The following METTL6 variants were observed in gnomAD, a reference collection of about 807,000 sequenced individuals.
The protein encoded by METTL6 is methyltransferase 6, tRNA N3-cytidine, also known as tRNA N(3)-cytidine methyltransferase METTL6.
METTL6 carries 22 observed loss-of-function variants against 26.4 expected under a neutral mutation model. The ratio of observed to expected loss-of-function variants is 0.83; its 90% CI spans 0.59 to 1.19. The LOEUF (loss-of-function observed/expected upper bound fraction) is 1.19. Ranked by LOEUF, METTL6 falls within the 50% of genes most tolerant of loss-of-function variation. The pLI, the probability that METTL6 is intolerant of heterozygous loss-of-function variation, is 0.00. For missense variants in METTL6, 304 were observed against 324.8 expected, an observed-to-expected ratio of 0.94 and a Z score of 0.49; for synonymous variants, 109 against 116.2, an observed-to-expected ratio of 0.94 and a Z score of 0.40.
At chr3:15,390,964 G>A (rs1457430003) in intron 6 of METTL6, among the ~76,000 whole-genome samples, 1 of 152,190 alleles carries the variant, frequency 6.6e-6, no homozygotes, top group African/African-American at 2.4e-5. Context: ...GGCGATCAAA[G>A]TGGCTCTCAG....
chr3:15,388,089 TTTGTTGTTGTTG>T (rs71632851), intron 6 of METTL6, among the ~76,000 whole-genome samples: 21 of 150,384 alleles, frequency 1.4e-4, no homozygotes, highest in Admixed American at 6.6e-4. Flanking sequence ...AAATAAGAGT[TTTGTTGTTGTTG>T]TTGTTGTTGT....
downstream of METTL6, among the ~76,000 whole-genome samples, chr3:15,408,898 G>A (rs1699872947): frequency 1.3e-5 from 2 of 152,188 alleles, no homozygotes; most frequent in South Asian, 4.2e-4. Flanking sequence ...TTCTACGGAG[G>A]GGGCAGTGGG....
chr3:15,408,592 G>C (rs1270948059), downstream of METTL6, among the ~76,000 whole-genome samples: 1 of 120,680 alleles, frequency 8.3e-6, no homozygotes, highest in African/African-American at 3.2e-5. Context: ...ATTGGACACG[G>C]GGTCTCGCTC....
At position 15,394,091 on chromosome 3, in the gene METTL6, C is replaced by T. The variant is rs189445624; in HGVS notation, c.*12-9904G>A. On this transcript the variant is annotated intron_variant, in intron 6 of 6. Transcript: ENST00000443029. ...GGAATGGTACCAGCTCCTCCTTGAA[C>T]CTCTGGTAGAATTCGGCTGTGAATC... Among the ~76,000 whole-genome samples the T allele has an allele frequency of 7.2e-5, 11 of 152,314 alleles. No individual in the cohort carries two copies. In the East Asian group the frequency reaches 1.9e-3, roughly 27 times the overall value.
intron 3 of METTL6, among the ~76,000 whole-genome samples, chr3:15,417,715 G>A (rs1459521079): frequency 6.6e-6 from 1 of 152,096 alleles, no homozygotes; most frequent in Non-Finnish European, 1.5e-5. Flanking sequence ...AGATAATAAA[G>A]ATGACAATTA....
chr3:15,386,486 T>A (rs1699204111), intron 6 of METTL6, among the ~76,000 whole-genome samples: 1 of 152,210 alleles, frequency 6.6e-6, no homozygotes, highest in Admixed American at 6.5e-5. Context: ...AGTGGGTGAC[T>A]TGAGAGATCC....
intron 6 of METTL6, among the ~76,000 whole-genome samples, chr3:15,397,257 C>T (rs1227506027): frequency 2.0e-5 from 3 of 152,218 alleles, no homozygotes; most frequent in Non-Finnish European, 4.4e-5. Context: ...ATGAGCGAGG[C>T]TCCGTGGGCG....
chr3:15,413,923 G>A, intron 5 of METTL6, 98 bp downstream of exon 5: 2 of 1,585,496 alleles, frequency 1.3e-6, no homozygotes, highest in Non-Finnish European at 1.7e-6. Flanking sequence ...TCGTGCACAT[G>A]TCGCAAGCCT....
At chr3:15,415,650 C>G in intron 4 of METTL6, 122 bp downstream of exon 4, 1 of 1,595,400 alleles carries the variant, frequency 6.3e-7, no homozygotes. Context: ...ACTCACTACA[C>G]AGCCTACCTA....
intron 5 of METTL6, among the ~76,000 whole-genome samples, chr3:15,411,791 A>G (rs918409750): frequency 1.3e-5 from 2 of 151,524 alleles, no homozygotes; most frequent in Non-Finnish European, 2.9e-5. Flanking sequence ...TTGAGACACA[A>G]TGTCACTCTG....
chr3:15,406,824 T>A (rs1699815168), downstream of METTL6, among the ~76,000 whole-genome samples: 1 of 151,506 alleles, frequency 6.6e-6, no homozygotes, highest in South Asian at 2.1e-4. Context: ...GAGACAAGAT[T>A]TTGCCATGTT....
rs1197962268 is a variant in METTL6 at position 15,427,482 on chromosome 3, C to T, written c.-205G>A. 3 of 462,068 alleles carry T rather than the reference C, an allele frequency of 6.5e-6. No homozygotes were observed. Among genetic ancestry groups the T allele is most frequent in the South Asian group, 4.3e-5 (2 of 46,892 alleles). 28.6% of individuals were successfully genotyped at this position (462,068 alleles called of 1,614,324 possible). A position where few individuals can be genotyped will look rare whatever the true frequency, so the allele number is the denominator to read the frequency against. ...AACCCTAAACCAATTCTGAGGACCA[C>T]GAATTCGGATTATCCGGGAGTTCTT... On this transcript the variant is annotated 5_prime_UTR_variant, in exon 1 of 6. The change creates a new upstream start codon in the 5' untranslated region. Transcript: ENST00000383790.
intron 6 of METTL6, among the ~76,000 whole-genome samples, chr3:15,388,029 G>A (rs1331890656): frequency 2.0e-5 from 3 of 152,048 alleles, no homozygotes; most frequent in African/African-American, 4.8e-5. Context: ...CCAGCTGTGC[G>A]GGAGACCAGA....
At chr3:15,386,799 CT>C (rs947149279) in intron 6 of METTL6, among the ~76,000 whole-genome samples, 39 of 146,128 alleles carry the variant, frequency 2.7e-4, no homozygotes, top group Non-Finnish European at 2.6e-4. Flanking sequence ...GTTTCCTTTT[CT>C]TTTTTTTTTT....
At chr3:15,391,160 C>T (rs1018157181) in intron 6 of METTL6, among the ~76,000 whole-genome samples, 4 of 152,230 alleles carry the variant, frequency 2.6e-5, no homozygotes, top group African/African-American at 7.2e-5. Flanking sequence ...GACAATCAGC[C>T]GTTTGTATCC....
intron 4 of METTL6, chr3:15,415,048 A>AAACC (rs1700137117): frequency 3.3e-6 from 3 of 917,326 alleles, no homozygotes; most frequent in Non-Finnish European, 4.1e-6. Flanking sequence ...TTAAAAAAAC[A>AAACC]AACAAACAAA....
chr3:15,400,827 C>T (rs910367898), intron 6 of METTL6, among the ~76,000 whole-genome samples: 2 of 152,082 alleles, frequency 1.3e-5, no homozygotes, highest in Non-Finnish European at 2.9e-5. Flanking sequence ...AGTTTTTTCC[C>T]CCATATAGCA....
intron 6 of METTL6, among the ~76,000 whole-genome samples, chr3:15,394,622 C>A (rs1188477599): frequency 2.0e-5 from 3 of 152,184 alleles, no homozygotes; most frequent in African/African-American, 7.2e-5. Flanking sequence ...CCTGCTTTCT[C>A]TTGTGGGCAT....
chr3:15,389,231 C>A (rs1366150978), intron 6 of METTL6, among the ~76,000 whole-genome samples: 2 of 151,780 alleles, frequency 1.3e-5, no homozygotes, highest in Non-Finnish European at 2.9e-5. Flanking sequence ...TGCCCTCAAG[C>A]AATCCTCCCA....
Sources: allele counts gnomAD v4.1 joint callset (sites outside exome capture counted in the v4.1 genomes callset), GRCh38; gene constraint gnomAD v4.1.1; transcripts MANE v1.5; gene names NCBI Gene and HGNC (gene_info 2026-07-23, HGNC 2026-07-21).